CARF: variants seen among roughly 807,000 people sequenced by gnomAD.
The protein encoded by CARF is calcium-responsive transcription factor.
Under a neutral mutation model 82.0 loss-of-function variants are expected in CARF, and 57 were observed. That is an observed-to-expected ratio of 0.70 (90% CI 0.56 to 0.87). CARF has a LOEUF of 0.87. Ranked by LOEUF, CARF falls within the 40% of genes least tolerant of loss-of-function variation. The pLI, the probability that CARF is intolerant of heterozygous loss-of-function variation, is 0.00. For missense variants in CARF, 771 were observed against 855.8 expected (o/e 0.90, Z 1.24); for synonymous variants, 268 against 290.1 (o/e 0.92, Z 0.77).
chr2:202,915,049 C>T (rs1270785368), intron 1 of CARF, among the ~76,000 whole-genome samples: 1 of 151,368 alleles, frequency 6.6e-6, no homozygotes, highest in Non-Finnish European at 1.5e-5. Flanking sequence ...TCAGAGTCTC[C>T]CTCTGTCGCG....
intron 7 of CARF, among the ~76,000 whole-genome samples, chr2:202,955,361 T>G (rs2058987023): frequency 6.6e-6 from 1 of 152,210 alleles, no homozygotes; most frequent in Non-Finnish European, 1.5e-5. Context: ...TTATCATTTT[T>G]TTGATAAATG....
At position 202,912,601 on chromosome 2, in the gene CARF, C is replaced by T. The variant is rs1559169624; in HGVS notation, c.-831C>T. On this transcript the variant is annotated 5_prime_UTR_variant, in exon 1 of 17. Transcript: ENST00000438828. ...CGCCTTCCGCGCCAAGCTTGGGGGCCTTTTCGGGGTCCCACATGGCACGGC... is the reference window on the plus strand; with the variant it reads ...CGCCTTCCGCGCCAAGCTTGGGGGCTTTTTCGGGGTCCCACATGGCACGGC... The T allele has an allele frequency of 2.0e-5, 3 of 152,028 alleles. No individual in the cohort carries two copies. Among genetic ancestry groups the T allele is most frequent in the Admixed American group, 6.5e-5 (1 of 15,282 alleles). The allele number at this position is 152,028 out of a possible 1,614,324, so 9.4% of individuals were successfully genotyped here. A position where few individuals can be genotyped will look rare whatever the true frequency, so the allele number is the denominator to read the frequency against.
chr2:202,986,504 T>G lies in CARF; in HGVS notation c.*2880T>G, dbSNP rs778117225. On this transcript the variant is annotated 3_prime_UTR_variant, in exon 17 of 17. Transcript: ENST00000438828. The stretch of plus-strand genomic sequence containing the variant: ...AATTACAGCTCAGCTTGTTTATTCA[T>G]TATAGTTTCCACATTTCCAACTTCC... 2.0e-5 allele frequency: 3 copies of G among 152,060 alleles called. No individual in the cohort carries two copies. The highest frequency in any genetic ancestry group is 4.4e-5 in the Non-Finnish European group (3 of 67,964). 9.4% of individuals were successfully genotyped at this position (152,060 alleles called of 1,614,324 possible).
chr2:202,923,321 C>T (rs1691184534), intron 2 of CARF, among the ~76,000 whole-genome samples: 1 of 152,176 alleles, frequency 6.6e-6, no homozygotes, highest in Non-Finnish European at 1.5e-5. Context: ...CGGTAGCTCT[C>T]CTGTACACCA....
At position 202,917,070 on chromosome 2, in the gene CARF, G is replaced by T. The variant is rs979969890; in HGVS notation, c.-329-807G>T. Among the ~76,000 whole-genome samples, 4 of 151,684 alleles carry T rather than the reference G, an allele frequency of 2.6e-5. No individual in the cohort carries two copies. In the South Asian group the frequency reaches 8.3e-4, roughly 32 times the overall value. ...CTGAAAATACAAAAAAATTAGCCGG[G>T]CGTAGTGGCGGGCGCCTGTAGTCCC... On this transcript the variant is annotated intron_variant, in intron 1 of 16. Transcript: ENST00000438828.
At chr2:202,973,562 GC>G in intron 12 of CARF, 1 of 353,636 alleles carries the variant, frequency 2.8e-6, no homozygotes, top group Non-Finnish European at 5.5e-6. Context: ...CTGGGTATAG[GC>G]CCAAGCTCTC....
chr2:202,920,039 A>T (rs1690496130), intron 2 of CARF, among the ~76,000 whole-genome samples: 1 of 152,196 alleles, frequency 6.6e-6, no homozygotes, highest in Non-Finnish European at 1.5e-5. Flanking sequence ...TGATGATAAT[A>T]ATAGGTCCTA....
Position 202,961,370 on chromosome 2 carries a change from G to C in CARF, c.776G>C (p.Arg259Pro). ...CCAAGCCCAGCCAAGCCTGCTACAC[G>C]CTTGATGTGGAAATCCCAGTATGTT... ...QSPSPAKPATRLMWKSQYVPY... is the reference protein window; with the variant it reads ...QSPSPAKPATPLMWKSQYVPY... Residue 259 changes from arginine (R) to proline (P), a missense_variant, in exon 9 of 17, where the codon CGC becomes CCC. Coordinates refer to ENST00000438828, the MANE Select transcript of CARF (RefSeq NM_024744.17). 1.2e-6 allele frequency: 2 copies of C among 1,614,160 alleles called. No individual in the cohort carries two copies. The highest frequency in any genetic ancestry group is 1.7e-6 in the Non-Finnish European group (2 of 1,180,032).
chr2:202,937,947 T>A (rs569774606), intron 3 of CARF, among the ~76,000 whole-genome samples: 37 of 142,512 alleles, frequency 2.6e-4, no homozygotes, highest in Admixed American at 4.9e-4. Flanking sequence ...AAAAAAAAAA[T>A]GTTTTAATTG....
chr2:202,943,619 C>CAT (rs2058343796), intron 5 of CARF, among the ~76,000 whole-genome samples: 1 of 124,082 alleles, frequency 8.1e-6, no homozygotes, highest in Non-Finnish European at 1.9e-5. Context: ...CACACACACA[C>CAT]ACACACACAC....
rs573921710 is a variant in CARF, at chr2:202,962,433, G to A, written c.832+1007G>A. On this transcript the variant is annotated intron_variant, in intron 9 of 16. Transcript: ENST00000438828. ...TTGACCCTTGGAGGTCGAGGCTGCA[G>A]TGAACCGTGATCATGCCACTGAACT... 3.3e-5 allele frequency: 5 copies of A among 152,224 alleles called. No homozygotes were observed. The East Asian group carries it at 5.8e-4, about 18-fold the overall frequency. 9.4% of individuals were successfully genotyped at this position (152,224 alleles called of 1,614,324 possible). A position where few individuals can be genotyped will look rare whatever the true frequency, so the allele number is the denominator to read the frequency against.
chr2:202,912,328 G>A lies in CARF; in HGVS notation c.-1104G>A, dbSNP rs1688734300. 1 of 152,168 alleles carries A rather than the reference G, an allele frequency of 6.6e-6. No individual in the cohort carries two copies. The highest frequency in any genetic ancestry group is 1.5e-5 in the Non-Finnish European group (1 of 68,042). 9.4% of individuals were successfully genotyped at this position (152,168 alleles called of 1,614,324 possible). On this transcript the variant is annotated 5_prime_UTR_variant, in exon 1 of 17. Transcript: ENST00000438828. The stretch of plus-strand genomic sequence containing the variant: ...GGGGCCTCGGAGCCAAGACGAGGTT[G>A]AGTAGACTCGTTTTGAATTTTCTCC...
chr2:202,950,700 G>A (rs1281291113), intron 5 of CARF, among the ~76,000 whole-genome samples: 2 of 152,128 alleles, frequency 1.3e-5, no homozygotes, highest in African/African-American at 4.8e-5. Context: ...ACCTCTGTGT[G>A]ACAGTTTCCT....
rs533756170 is a variant in CARF, at chr2:202,942,017, G to T, written c.78+37G>T. 41 of 1,499,160 alleles carry T rather than the reference G, an allele frequency of 2.7e-5. No individual in the cohort carries two copies. In the East Asian group the frequency reaches 8.6e-4, roughly 31 times the overall value. 92.9% of individuals were successfully genotyped at this position (1,499,160 alleles called of 1,614,324 possible). On this transcript the variant is annotated intron_variant, in intron 4 of 16. Transcript: ENST00000438828. ...GCTGGGAACCTTTTTCCATCCTAGG[G>T]TAAAACAGCATGCCATTTAACAGCT...
At position 202,975,902 on chromosome 2, in the gene CARF, G is replaced by A. The variant is rs984310903; in HGVS notation, c.1495-1367G>A. Among the ~76,000 whole-genome samples the A allele has an allele frequency of 9.9e-5, 15 of 151,624 alleles. 1 individual carries two copies. The highest frequency in any genetic ancestry group is 4.2e-4 in the South Asian group (2 of 4,788). On this transcript the variant is annotated intron_variant, in intron 13 of 16. Coordinates refer to ENST00000438828, the MANE Select transcript of CARF (RefSeq NM_024744.17). ...TCTACCAAAAATACAAAAATTAGCC[G>A]GGCGCGGTGGCAGGTGCCTATAGTC...
chr2:202,956,031 CT>C lies in CARF; in HGVS notation c.642+274del, dbSNP rs2059021589. Among the ~76,000 whole-genome samples the C allele has an allele frequency of 3.3e-5, 5 of 151,854 alleles. No individual in the cohort carries two copies. In the South Asian group the frequency reaches 1.0e-3, roughly 32 times the overall value. On this transcript the variant is annotated intron_variant, in intron 8 of 16. Transcript: ENST00000438828. ...CATGAAACTTCACTATCATGTTTCT[CT>C]ACTATTTACTTTTCAACCATTTATT... is the stretch of plus-strand genomic sequence containing the variant.
chr2:202,971,699 A>C lies in CARF; in HGVS notation c.1292A>C (p.Gln431Pro). 6.2e-7 allele frequency: 1 copy of C among 1,613,434 alleles called. No individual in the cohort carries two copies. The highest frequency in any genetic ancestry group is 8.5e-7 in the Non-Finnish European group (1 of 1,179,526). Residue 431 changes from glutamine (Q) to proline (P), a missense_variant, in exon 12 of 17, where the codon CAG becomes CCG. By Grantham distance (76) the Gln-to-Pro change is moderately conservative (BLOSUM62 -1). Coordinates refer to ENST00000438828, the MANE Select transcript of CARF (RefSeq NM_024744.17). ...CATAAGATTCAAGAATTAGTATCAC[A>C]GGGAATAGAACAAGTGTATGCAGTA... ...VAHKIQELVS[Q>P]GIEQVYAVRK...
At chr2:202,966,678 C>T (rs973688223) in intron 9 of CARF, among the ~76,000 whole-genome samples, 1 of 151,938 alleles carries the variant, frequency 6.6e-6, no homozygotes, top group African/African-American at 2.4e-5. Context: ...CCACTGTGCT[C>T]CAGCCTGGGT....
At chr2:202,942,661 A>T (rs2058284738) in intron 4 of CARF, 79 bp from the exon 5 acceptor site, 1 of 1,141,888 alleles carries the variant, frequency 8.8e-7, no homozygotes, top group Non-Finnish European at 1.2e-6. Context: ...TGAAAAATGG[A>T]TGTCTTTTCA....
Sources: allele counts gnomAD v4.1 joint callset (sites outside exome capture counted in the v4.1 genomes callset), GRCh38; gene constraint gnomAD v4.1.1; transcripts MANE v1.5; gene names NCBI Gene and HGNC (gene_info 2026-07-23, HGNC 2026-07-21).